ANXA8: variants seen among roughly 807,000 people sequenced by gnomAD.
ANXA8 encodes the protein VAC-beta.
A neutral mutation model predicts 26.8 loss-of-function variants in ANXA8; 9 were observed. That is an observed-to-expected ratio of 0.34 (90% CI 0.20 to 0.59). ANXA8 has a LOEUF of 0.59. Among genes scored for constraint, ANXA8 ranks in the 20% least tolerant of loss-of-function variants. The pLI is 0.84. For missense variants in ANXA8, 83 were observed against 238.5 expected (o/e 0.35, Z 4.29); for synonymous variants, 39 against 94.8 (o/e 0.41, Z 3.42).
chr10:47,554,093 G>A, the ANXA8 span, among the ~76,000 whole-genome samples: 1 of 127,034 alleles, frequency 7.9e-6, no homozygotes, highest in East Asian at 2.7e-4. Context: ...GCAACATAGG[G>A]AGGCTACATC....
the ANXA8 span, among the ~76,000 whole-genome samples, chr10:47,732,783 T>C: frequency 6.9e-6 from 1 of 145,632 alleles, no homozygotes; most frequent in African/African-American, 2.5e-5. Flanking sequence ...TTGACAACAT[T>C]GGGTGCATGA....
the ANXA8 span, chr10:47,502,805 T>A: frequency 6.3e-7 from 1 of 1,590,560 alleles, no homozygotes; most frequent in African/African-American, 1.4e-5. Context: ...CTGGCCAGGA[T>A]CTGGCTCTGG....
the ANXA8 span, among the ~76,000 whole-genome samples, chr10:47,942,621 A>G: frequency 7.0e-6 from 1 of 142,994 alleles, no homozygotes; most frequent in Admixed American, 7.0e-5. Flanking sequence ...GCACAGTTCA[A>G]TCAGCCTCAG....
chr10:47,698,659 G>A, the ANXA8 span, among the ~76,000 whole-genome samples: 1 of 152,274 alleles, frequency 6.6e-6, no homozygotes. Context: ...GGATGATATG[G>A]TGAAACCTCA....
At chr10:47,653,639 T>C in the ANXA8 span, among the ~76,000 whole-genome samples, 2 of 149,820 alleles carry the variant, frequency 1.3e-5, no homozygotes, top group African/African-American at 5.1e-5. Context: ...GAGTTATAAG[T>C]CATATTTATT....
the ANXA8 span, among the ~76,000 whole-genome samples, chr10:47,656,358 A>T: frequency 1.3e-5 from 2 of 150,942 alleles, no homozygotes; most frequent in Non-Finnish European, 2.9e-5. Context: ...TGATTGTGCC[A>T]CTGCGCTCCA....
At chr10:47,894,391 C>CCA in the ANXA8 span, among the ~76,000 whole-genome samples, 2 of 129,680 alleles carry the variant, frequency 1.5e-5, no homozygotes, top group South Asian at 5.1e-4. Flanking sequence ...ACGCCACACA[C>CCA]CACACACACA....
chr10:47,913,899 T>G, the ANXA8 span, among the ~76,000 whole-genome samples: 41 of 85,870 alleles, frequency 4.8e-4, 2 homozygotes, highest in Non-Finnish European at 8.7e-4. Flanking sequence ...ACCTTTCTCT[T>G]CCTGCTCCCA....
the ANXA8 span, chr10:47,565,604 G>T: frequency 3.3e-6 from 1 of 302,650 alleles, no homozygotes; most frequent in Admixed American, 5.3e-5. Flanking sequence ...CCACGGCCCG[G>T]CGCGCTACCC....
chr10:47,626,783 G>A, the ANXA8 span, among the ~76,000 whole-genome samples: 4 of 150,242 alleles, frequency 2.7e-5, no homozygotes, highest in Non-Finnish European at 5.9e-5. Flanking sequence ...CAGGAGCTGT[G>A]ACATGCGCAA....
At chr10:47,648,486 CTCTT>C in the ANXA8 span, among the ~76,000 whole-genome samples, 1 of 149,270 alleles carries the variant, frequency 6.7e-6, no homozygotes, top group Non-Finnish European at 1.5e-5. Flanking sequence ...AGTTCTACCT[CTCTT>C]TCACTTCTAG....
At chr10:47,735,111 CTTTTTTGAGAGACGGTCTT>C in the ANXA8 span, among the ~76,000 whole-genome samples, 1 of 150,480 alleles carries the variant, frequency 6.6e-6, no homozygotes, top group Non-Finnish European at 1.5e-5. Flanking sequence ...TTTGTTTTGC[CTTTTTTGAGAGACGGTCTT>C]GCTCTGTCAC....
chr10:47,580,699 T>C, the ANXA8 span, among the ~76,000 whole-genome samples: 7 of 146,934 alleles, frequency 4.8e-5, no homozygotes, highest in Non-Finnish European at 3.0e-5. Context: ...CCCGAGATCA[T>C]ACCACTACAC....
chr10:47,587,069 G>A, the ANXA8 span, among the ~76,000 whole-genome samples: 1 of 147,266 alleles, frequency 6.8e-6, no homozygotes, highest in South Asian at 2.1e-4. Context: ...GCTGGGCACG[G>A]TGGTGTGTGC....
At chr10:47,510,904 C>A in the ANXA8 span, among the ~76,000 whole-genome samples, 1 of 130,262 alleles carries the variant, frequency 7.7e-6, no homozygotes, top group African/African-American at 2.9e-5. Context: ...TAAAAAGCAG[C>A]CAAGAATTTC....
At chr10:47,948,030 G>A in the ANXA8 span, among the ~76,000 whole-genome samples, 2 of 150,680 alleles carry the variant, frequency 1.3e-5, no homozygotes, top group Admixed American at 6.6e-5. Flanking sequence ...TCCCAGAAAA[G>A]TCATGTCTTG....
At chr10:47,717,617 C>T in the ANXA8 span, among the ~76,000 whole-genome samples, 1 of 132,446 alleles carries the variant, frequency 7.6e-6, no homozygotes, top group Non-Finnish European at 1.6e-5. Context: ...CCACATTCAG[C>T]GTGACCTTTT....
chr10:47,970,568 A>G, the ANXA8 span: 2 of 151,452 alleles, frequency 1.3e-5, no homozygotes, highest in Non-Finnish European at 3.0e-5. Context: ...GTGATGCGCA[A>G]TTACTGTATA....
the ANXA8 span, among the ~76,000 whole-genome samples, chr10:47,622,829 T>C: frequency 8.9e-6 from 1 of 112,464 alleles, no homozygotes; most frequent in Non-Finnish European, 1.9e-5. Flanking sequence ...CTGACAAAAT[T>C]ACGGTAGATT....
Sources: gnomAD v4.1 joint callset for allele counts (sites outside exome capture counted in the v4.1 genomes callset) on GRCh38, gnomAD v4.1.1 for gene constraint, MANE v1.5 for transcripts, NCBI Gene and HGNC (gene_info 2026-07-23, HGNC 2026-07-21) for gene names.